VAMP4: variants seen among roughly 807,000 people sequenced by gnomAD.
VAMP4 encodes vesicle-associated membrane protein 4.
VAMP4 carries 19 observed loss-of-function variants against 23.5 expected under a neutral mutation model. That is an observed-to-expected ratio of 0.81 (90% CI 0.56 to 1.19). The LOEUF is 1.19. Ranked by LOEUF, VAMP4 falls within the 50% of genes most tolerant of loss-of-function variation. The pLI is 0.00. For synonymous variants in VAMP4, 31 were observed against 51.0 expected (o/e 0.61, Z 1.67); for missense variants, 145 against 168.6 (o/e 0.86, Z 0.78).
At chr1:171,733,181 G>A (rs1301173238) in intron 2 of VAMP4, among the ~76,000 whole-genome samples, 2 of 151,578 alleles carry the variant, frequency 1.3e-5, no homozygotes, top group East Asian at 3.9e-4. Context: ...TTTATGGCCG[G>A]GCATGGTGGC....
At chr1:171,726,083 ACT>A (rs1655361208) in intron 3 of VAMP4, among the ~76,000 whole-genome samples, 1 of 146,368 alleles carries the variant, frequency 6.8e-6, no homozygotes, top group Non-Finnish European at 1.5e-5. Flanking sequence ...GCGAAGTATC[ACT>A]CTGTTGCCCA....
chr1:171,718,164 T>C (rs1655078160), intron 4 of VAMP4, among the ~76,000 whole-genome samples: 1 of 152,216 alleles, frequency 6.6e-6, no homozygotes, highest in African/African-American at 2.4e-5. Context: ...CCTGTAATCA[T>C]TTATTGGTTC....
intron 7 of VAMP4, among the ~76,000 whole-genome samples, 191 bp downstream of exon 7, chr1:171,706,176 C>T (rs757171227): frequency 1.2e-4 from 18 of 151,964 alleles, no homozygotes; most frequent in South Asian, 4.1e-4. Context: ...TATACATATT[C>T]ACATAAAATT....
chr1:171,710,340 T>C (rs1654811074), intron 5 of VAMP4, among the ~76,000 whole-genome samples: 1 of 151,880 alleles, frequency 6.6e-6, no homozygotes, highest in African/African-American at 2.4e-5. Flanking sequence ...GGTGACTAAG[T>C]TACCAAATAA....
At chr1:171,704,616 T>C (rs1654589617) in intron 7 of VAMP4, 82 bp from the exon 8 acceptor site, 1 of 1,072,868 alleles carries the variant, frequency 9.3e-7, no homozygotes, top group East Asian at 2.9e-5. Context: ...TAAATGTAGT[T>C]GTGTCTACTT....
intron 1 of VAMP4, among the ~76,000 whole-genome samples, chr1:171,741,562 C>T (rs1253703693): frequency 6.6e-6 from 1 of 151,624 alleles, no homozygotes; most frequent in African/African-American, 2.4e-5. Flanking sequence ...GCTCCTAACG[C>T]TGGCCCTTCC....
intron 2 of VAMP4, 55 bp from the exon 3 acceptor site, chr1:171,728,625 T>C: frequency 1.3e-6 from 2 of 1,513,682 alleles, no homozygotes; most frequent in Non-Finnish European, 1.8e-6. Context: ...TTATAAAATG[T>C]CACAGAGGAG....
At chr1:171,713,016 C>T (rs1443427562) in intron 4 of VAMP4, among the ~76,000 whole-genome samples, 3 of 152,156 alleles carry the variant, frequency 2.0e-5, no homozygotes, top group African/African-American at 7.2e-5. Flanking sequence ...TTATTTTCTG[C>T]CTCTCCCCAC....
At chr1:171,723,906 C>A (rs1655279354) in intron 3 of VAMP4, among the ~76,000 whole-genome samples, 1 of 152,168 alleles carries the variant, frequency 6.6e-6, no homozygotes, top group Non-Finnish European at 1.5e-5. Context: ...CAATAAATGT[C>A]CATGAAATCT....
intron 3 of VAMP4, among the ~76,000 whole-genome samples, chr1:171,723,262 G>T (rs1383733076): frequency 2.0e-5 from 3 of 152,194 alleles, no homozygotes; most frequent in Non-Finnish European, 4.4e-5. Flanking sequence ...GAAGTTTCGG[G>T]CACGCACTGT....
Position 171,722,392 on chromosome 1 carries a change from A to G in VAMP4, c.114-3171T>C, listed in dbSNP as rs915059932. ...ACCAAAAGCAATGTCAACAAAAGCCAAAATTGACAAATGGGATCTCATTAA... is the reference window on the plus strand; with the variant it reads ...ACCAAAAGCAATGTCAACAAAAGCCGAAATTGACAAATGGGATCTCATTAA... On this transcript the variant is annotated intron_variant, in intron 3 of 7. Coordinates refer to ENST00000236192, the MANE Select transcript of VAMP4 (RefSeq NM_003762.5). 1.2e-4 allele frequency among the ~76,000 whole-genome samples: 19 copies of G among 152,230 alleles called. No individual in the cohort carries two copies. The East Asian group carries it at 1.5e-3, about 12-fold the overall frequency.
intron 2 of VAMP4, among the ~76,000 whole-genome samples, chr1:171,737,378 C>A (rs1438731347): frequency 6.6e-6 from 1 of 152,116 alleles, no homozygotes; most frequent in Non-Finnish European, 1.5e-5. Context: ...AATCTGCCTA[C>A]AACATTCATA....
intron 4 of VAMP4, among the ~76,000 whole-genome samples, chr1:171,711,508 A>G (rs1654849438): frequency 6.6e-6 from 1 of 152,094 alleles, no homozygotes; most frequent in Non-Finnish European, 1.5e-5. Flanking sequence ...ATATTAGATG[A>G]TGGGGGCCTG....
chr1:171,702,719 T>A lies in VAMP4; in HGVS notation c.*1787A>T, dbSNP rs184431722. 22 of 152,158 alleles carry A rather than the reference T, an allele frequency of 1.4e-4. No individual in the cohort carries two copies. The highest frequency in any genetic ancestry group is 5.3e-4 in the African/African-American group (22 of 41,576). The allele number at this position is 152,158 out of a possible 1,614,324, so 9.4% of individuals were successfully genotyped here. On this transcript the variant is annotated 3_prime_UTR_variant, in exon 8 of 8. Coordinates refer to ENST00000236192, the MANE Select transcript of VAMP4 (RefSeq NM_003762.5). ...TTCTAAAAATGCTCATTTTTCTGGG[T>A]ATCTTAACTTAAAAGATTTATTAGC...
At chr1:171,736,373 C>G (rs1655741568) in intron 2 of VAMP4, among the ~76,000 whole-genome samples, 1 of 152,136 alleles carries the variant, frequency 6.6e-6, no homozygotes, top group South Asian at 2.1e-4. Context: ...CCAGAGCCTT[C>G]CGGGTTCACC....
At chr1:171,706,505 T>A in intron 6 of VAMP4, 87 bp from the exon 7 acceptor site, 1 of 1,274,606 alleles carries the variant, frequency 7.8e-7, no homozygotes, top group Non-Finnish European at 1.1e-6. Flanking sequence ...TGCATCATAC[T>A]AAATCATCTC....
intron 2 of VAMP4, among the ~76,000 whole-genome samples, chr1:171,732,458 G>C (rs1437198968): frequency 1.3e-5 from 2 of 151,998 alleles, no homozygotes; most frequent in Non-Finnish European, 2.9e-5. Context: ...GATCTTTTAA[G>C]CCCAGGAATT....
intron 2 of VAMP4, among the ~76,000 whole-genome samples, chr1:171,737,014 C>T (rs138575034): frequency 6.6e-5 from 10 of 152,128 alleles, no homozygotes; most frequent in African/African-American, 9.6e-5. Flanking sequence ...CACACAAAAC[C>T]GCAAAAGCTG....
At chr1:171,724,916 T>C (rs1367208590) in intron 3 of VAMP4, among the ~76,000 whole-genome samples, 1 of 152,186 alleles carries the variant, frequency 6.6e-6, no homozygotes, top group African/African-American at 2.4e-5. Context: ...ATATAGTCAA[T>C]AAATTTTTAT....
Sources: allele counts gnomAD v4.1 joint callset (sites outside exome capture counted in the v4.1 genomes callset), GRCh38; gene constraint gnomAD v4.1.1; transcripts MANE v1.5; gene names NCBI Gene and HGNC (gene_info 2026-07-23, HGNC 2026-07-21).